DDAH1: variants seen among roughly 807,000 people sequenced by gnomAD.
The protein encoded by DDAH1 is dimethylarginine dimethylaminohydrolase 1.
Under a neutral mutation model 28.8 loss-of-function variants are expected in DDAH1, and 19 were observed. That is an observed-to-expected ratio of 0.66 (90% CI 0.46 to 0.97). DDAH1 has a LOEUF of 0.97. Ranked by LOEUF, DDAH1 falls within the 50% of genes least tolerant of loss-of-function variation. The probability of loss-of-function intolerance (pLI) is 0.00; values close to 1 mark genes in which losing one functional copy is unlikely to be tolerated. For missense variants in DDAH1, 326 were observed against 375.9 expected (o/e 0.87, Z 1.10); for synonymous variants, 153 against 154.4 (o/e 0.99, Z 0.07).
At chr1:85,431,964 C>A (rs1653706697) in intron 1 of DDAH1, among the ~76,000 whole-genome samples, 1 of 152,166 alleles carries the variant, frequency 6.6e-6, no homozygotes, top group Non-Finnish European at 1.5e-5. Context: ...CAAATGAGTA[C>A]AATCTAATGT....
intron 1 of DDAH1, among the ~76,000 whole-genome samples, chr1:85,450,402 T>G (rs1402843673): frequency 6.6e-6 from 1 of 152,184 alleles, no homozygotes; most frequent in Non-Finnish European, 1.5e-5. Flanking sequence ...GACCGAAGCT[T>G]TCTAAGAGTA....
At chr1:85,407,046 T>C (rs1652441109) in intron 1 of DDAH1, among the ~76,000 whole-genome samples, 1 of 152,168 alleles carries the variant, frequency 6.6e-6, no homozygotes, top group South Asian at 2.1e-4. Context: ...TTGTTTTTCA[T>C]GTGTCCACTT....
intron 1 of DDAH1, among the ~76,000 whole-genome samples, chr1:85,521,046 G>T (rs669297): frequency 6.6e-6 from 1 of 152,142 alleles, no homozygotes; most frequent in Non-Finnish European, 1.5e-5. Flanking sequence ...CCAGGGCCAG[G>T]TACAGTTATT....
At chr1:85,540,364 C>T (rs890617251) in intron 1 of DDAH1, among the ~76,000 whole-genome samples, 2 of 152,108 alleles carry the variant, frequency 1.3e-5, no homozygotes, top group African/African-American at 4.8e-5. Flanking sequence ...CTCTACATGC[C>T]CAAAGACAAC....
intron 2 of DDAH1, among the ~76,000 whole-genome samples, chr1:85,489,578 G>A (rs6665825): frequency 0.15 from 22,062 of 152,002 alleles, 1,692 homozygotes; most frequent in Non-Finnish European, 0.16. Context: ...ATTTGTTGGT[G>A]GTTTCAAGGA....
intron 1 of DDAH1, chr1:85,398,464 T>C (rs769508203): frequency 6.6e-6 from 1 of 152,210 alleles, no homozygotes; most frequent in African/African-American, 2.4e-5. Flanking sequence ...TAGACTGGAC[T>C]GGATCCTGAA....
chr1:85,348,712 T>C (rs1045673934), intron 4 of DDAH1, among the ~76,000 whole-genome samples: 1 of 152,208 alleles, frequency 6.6e-6, no homozygotes, highest in African/African-American at 2.4e-5. Flanking sequence ...CCCCTTTTCC[T>C]CTGAACTTTG....
At chr1:85,373,079 C>T (rs1650469202) in intron 1 of DDAH1, among the ~76,000 whole-genome samples, 1 of 152,006 alleles carries the variant, frequency 6.6e-6, no homozygotes, top group African/African-American at 2.4e-5. Context: ...TGAAATAAGT[C>T]CCTAGTGAAC....
chr1:85,411,216 G>A (rs1313335972), intron 1 of DDAH1, among the ~76,000 whole-genome samples: 2 of 152,214 alleles, frequency 1.3e-5, no homozygotes, highest in Admixed American at 1.3e-4. Flanking sequence ...ACAGTTGACA[G>A]TGAGGCAGGA....
intron 1 of DDAH1, among the ~76,000 whole-genome samples, chr1:85,374,931 T>C (rs905130256): frequency 6.6e-6 from 1 of 152,142 alleles, no homozygotes. Context: ...TTTAGAGTAC[T>C]TCAAGACCTA....
intron 2 of DDAH1, among the ~76,000 whole-genome samples, chr1:85,354,833 A>G (rs1278347812): frequency 6.6e-6 from 1 of 152,066 alleles, no homozygotes; most frequent in Non-Finnish European, 1.5e-5. Flanking sequence ...AGCTTACATT[A>G]GAGAAGATGA....
At chr1:85,469,050 A>T (rs1194129429), upstream of DDAH1, among the ~76,000 whole-genome samples, 1 of 152,196 alleles carries the variant, frequency 6.6e-6, no homozygotes, top group Non-Finnish European at 1.5e-5. Context: ...CAGCCACCAC[A>T]TGTGAAAGGC....
intron 1 of DDAH1, among the ~76,000 whole-genome samples, chr1:85,409,672 T>C (rs543449335): frequency 3.1e-4 from 47 of 152,294 alleles, no homozygotes; most frequent in Middle Eastern, 3.4e-3. Context: ...ACAGCAGGGA[T>C]TTACTTCTTC....
intron 2 of DDAH1, among the ~76,000 whole-genome samples, chr1:85,475,773 A>G (rs1655777682): frequency 6.6e-6 from 1 of 152,138 alleles, no homozygotes; most frequent in South Asian, 2.1e-4. Flanking sequence ...TAGTGGCTTT[A>G]TGGAGAAAGC....
intron 1 of DDAH1, among the ~76,000 whole-genome samples, chr1:85,366,462 A>G (rs1339227311): frequency 6.6e-6 from 1 of 152,104 alleles, no homozygotes; most frequent in African/African-American, 2.4e-5. Context: ...AAAATTAACC[A>G]AGATATTTAG....
intron 1 of DDAH1, among the ~76,000 whole-genome samples, chr1:85,387,587 G>A (rs1651343053): frequency 6.6e-6 from 1 of 152,120 alleles, no homozygotes; most frequent in African/African-American, 2.4e-5. Flanking sequence ...TCAGGAGTCT[G>A]GTCACAACCA....
chr1:85,328,867 T>G (rs1647585577), intron 4 of DDAH1, among the ~76,000 whole-genome samples: 1 of 152,266 alleles, frequency 6.6e-6, no homozygotes, highest in Non-Finnish European at 1.5e-5. Context: ...GCCCACACAT[T>G]CAGGCTAAGT....
intron 1 of DDAH1, among the ~76,000 whole-genome samples, chr1:85,503,826 G>A (rs1656912786): frequency 6.6e-6 from 1 of 152,128 alleles, no homozygotes; most frequent in Non-Finnish European, 1.5e-5. Flanking sequence ...TCTCTAAGGT[G>A]ACCTCTGGGC....
chr1:85,376,403 T>C (rs928961581), intron 1 of DDAH1, among the ~76,000 whole-genome samples: 3 of 152,170 alleles, frequency 2.0e-5, no homozygotes, highest in African/African-American at 7.2e-5. Context: ...AGGAAACAGA[T>C]GTCTTAACTT....
Sources: gnomAD v4.1 joint callset for allele counts (sites outside exome capture counted in the v4.1 genomes callset) on GRCh38, gnomAD v4.1.1 for gene constraint, MANE v1.5 for transcripts, NCBI Gene and HGNC (gene_info 2026-07-23, HGNC 2026-07-21) for gene names.